ABL1: variants seen among roughly 807,000 people sequenced by gnomAD.
ABL1 encodes tyrosine-protein kinase ABL1.
Under a neutral mutation model 94.7 loss-of-function variants are expected in ABL1, and 11 were observed. The ratio of observed to expected loss-of-function variants is 0.12; its 90% CI spans 0.07 to 0.19. ABL1 has a LOEUF of 0.19. Ranked by LOEUF, ABL1 falls within the 10% of genes least tolerant of loss-of-function variation. The probability of loss-of-function intolerance (pLI) is 1.00; values close to 1 mark genes in which losing one functional copy is unlikely to be tolerated. For synonymous variants in ABL1, 656 were observed against 622.4 expected (o/e 1.05, Z -0.80); for missense variants, 1,082 against 1,489.4 (o/e 0.73, Z 4.50).
intron 1 of ABL1, among the ~76,000 whole-genome samples, chr9:130,734,973 A>T (rs1200045165): frequency 6.6e-6 from 1 of 152,102 alleles, no homozygotes; most frequent in Non-Finnish European, 1.5e-5. Context: ...AAATTTATAC[A>T]TTGTCCTACA....
Position 130,754,432 on chromosome 9 carries a change from T to C in ABL1, c.136+39977T>C, listed in dbSNP as rs535125541. ...CTGAGGCAGGAGAATGGCGTGAACC[T>C]GGGAGGCGGAGCTTGCAGTGAGCCG... On this transcript the variant is annotated intron_variant, in intron 1 of 10. Coordinates refer to the ABL1 transcript ENST00000372348. Among the ~76,000 whole-genome samples, 450 of 129,582 alleles carry C rather than the reference T, an allele frequency of 3.5e-3. 2 individuals are homozygous for C. Among genetic ancestry groups the C allele is most frequent in the African/African-American group, 0.011 (351 of 33,294 alleles). The allele number at this position is 129,582 out of a possible 152,430, so 85.0% of individuals were successfully genotyped here. A position where few individuals can be genotyped will look rare whatever the true frequency, so the allele number is the denominator to read the frequency against.
chr9:130,713,135 C>T (rs1831391578), exon 1 of ABL1, among the ~76,000 whole-genome samples: 1 of 152,208 alleles, frequency 6.6e-6, no homozygotes, highest in South Asian at 2.1e-4. Context: ...AGGAGCCCCT[C>T]CGCTGTCCAC....
rs1831962708 is a variant in ABL1 at position 130,751,223 on chromosome 9, C to T, written c.136+36768C>T. On this transcript the variant is annotated intron_variant, in intron 1 of 10. Coordinates refer to the ABL1 transcript ENST00000372348. ...GTGGCGCGATCTCGGCTCACTGCAA[C>T]CTCTGCCTCCCCGGTTCAAGTGATT... Among the ~76,000 whole-genome samples, 4 of 139,308 alleles carry T rather than the reference C, an allele frequency of 2.9e-5. No homozygotes were observed. In the Admixed American group the frequency reaches 3.1e-4, roughly 11 times the overall value. 91.4% of individuals were successfully genotyped at this position (139,308 alleles called of 152,430 possible).
intron 1 of ABL1, among the ~76,000 whole-genome samples, chr9:130,779,464 G>T (rs1829727948): frequency 6.6e-6 from 1 of 152,222 alleles, no homozygotes; most frequent in Admixed American, 6.5e-5. Flanking sequence ...ATGGCATAAC[G>T]CAGTACATTT....
At position 130,780,894 on chromosome 9, in the gene ABL1, A is replaced by G. The variant is rs371626590; in HGVS notation, c.136+66439A>G. On this transcript the variant is annotated intron_variant, in intron 1 of 10. Transcript: ENST00000372348. Reference sequence around the variant, plus strand: ...ATTGTTTTGCCTGTTGAAGAAGGTGATCAGACCCTAATGAAACTGAAAATG... The same window carrying G: ...ATTGTTTTGCCTGTTGAAGAAGGTGGTCAGACCCTAATGAAACTGAAAATG... Among the ~76,000 whole-genome samples the G allele has an allele frequency of 4.6e-5, 7 of 152,356 alleles. No homozygotes were observed. In the East Asian group the frequency reaches 5.8e-4, roughly 13 times the overall value.
At chr9:130,825,574 G>A (rs1170038851) in intron 1 of ABL1, among the ~76,000 whole-genome samples, 1 of 152,108 alleles carries the variant, frequency 6.6e-6, no homozygotes, top group Non-Finnish European at 1.5e-5. Context: ...TTGCAGCATT[G>A]CTATTTTCTA....
intron 1 of ABL1, among the ~76,000 whole-genome samples, chr9:130,753,632 G>C (rs533745929): frequency 3.6e-4 from 54 of 150,972 alleles, no homozygotes; most frequent in Admixed American, 1.9e-3. Flanking sequence ...TACCATGTTG[G>C]CCAGGCTGGT....
rs1239557648 is a variant in ABL1 at position 130,854,669 on chromosome 9, T to C, written c.254-132T>C. 4 of 950,358 alleles carry C rather than the reference T, an allele frequency of 4.2e-6. No individual in the cohort carries two copies. The African/African-American group carries it at 6.6e-5, about 16-fold the overall frequency. The allele number at this position is 950,358 out of a possible 1,614,324, so 58.9% of individuals were successfully genotyped here. On this transcript the variant is annotated intron_variant, in intron 2 of 10. Coordinates refer to ENST00000318560, the MANE Select transcript of ABL1 (RefSeq NM_005157.6). ...CTCATACACTTATAAATGCATATCT[T>C]TATGTGGACTTGTTAAAATGAAATT...
intron 1 of ABL1, among the ~76,000 whole-genome samples, chr9:130,719,915 A>G (rs990261274): frequency 6.6e-6 from 1 of 152,226 alleles, no homozygotes; most frequent in African/African-American, 2.4e-5. Context: ...TCAAAGGGCT[A>G]GTCATATTTA....
Position 130,822,117 on chromosome 9 carries a change from C to T in ABL1, c.137-31947C>T, listed in dbSNP as rs147257429. On this transcript the variant is annotated intron_variant, in intron 1 of 10. Transcript: ENST00000372348. The stretch of plus-strand genomic sequence containing the variant: ...CCTCCCAAAGTGCTGGCATTACAGG[C>T]GTGAGCCACCATGCCTGGCAAATTT... Among the ~76,000 whole-genome samples, 434 of 152,190 alleles carry T rather than the reference C, an allele frequency of 2.9e-3. 2 individuals carry two copies. The highest frequency in any genetic ancestry group is 0.01 in the African/African-American group (422 of 41,524).
At chr9:130,717,217 A>G (rs1021740892) in intron 1 of ABL1, among the ~76,000 whole-genome samples, 2 of 151,912 alleles carry the variant, frequency 1.3e-5, no homozygotes, top group African/African-American at 2.4e-5. Context: ...TAATTTTTGT[A>G]TTTTTAGTAG....
chr9:130,879,081 TAGTC>T (rs1331326010), intron 8 of ABL1, among the ~76,000 whole-genome samples: 3 of 152,122 alleles, frequency 2.0e-5, no homozygotes, highest in Non-Finnish European at 2.9e-5. Flanking sequence ...TTCTCCATGT[TAGTC>T]AGGCTGGTCT....
chr9:130,718,693 C>G (rs1024199811), intron 1 of ABL1, among the ~76,000 whole-genome samples: 2 of 152,022 alleles, frequency 1.3e-5, no homozygotes, highest in African/African-American at 4.8e-5. Flanking sequence ...TCATCCTGGG[C>G]AACATAAGAA....
At chr9:130,713,144 A>G (rs1036598068) in exon 1 of ABL1, among the ~76,000 whole-genome samples, 84 of 151,992 alleles carry the variant, frequency 5.5e-4, no homozygotes, top group Non-Finnish European at 8.7e-4. Context: ...TCCGCTGTCC[A>G]CGGCCCCTAC....
chr9:130,748,803 C>G (rs7023405), intron 1 of ABL1, among the ~76,000 whole-genome samples: 46,299 of 152,044 alleles, frequency 0.3, 9,907 homozygotes, highest in African/African-American at 0.58. Flanking sequence ...TCTCGAACTC[C>G]TGACCTCATG....
intron 1 of ABL1, among the ~76,000 whole-genome samples, chr9:130,813,604 CACAAGGAATTAA>C (rs376614029): frequency 6.7e-6 from 1 of 149,518 alleles, no homozygotes; most frequent in East Asian, 2.0e-4. Flanking sequence ...GATCTCTGGC[CACAAGGAATTAA>C]ATGAGGAATT....
intron 1 of ABL1, among the ~76,000 whole-genome samples, chr9:130,841,263 T>A (rs374155751): frequency 1.3e-5 from 2 of 151,768 alleles, no homozygotes; most frequent in South Asian, 4.2e-4. Context: ...TTCTCCTGCC[T>A]CAGCCTCCCT....
intron 1 of ABL1, among the ~76,000 whole-genome samples, chr9:130,818,469 C>CA (rs1254340374): frequency 7.3e-5 from 11 of 150,282 alleles, no homozygotes; most frequent in South Asian, 2.1e-4. Flanking sequence ...AACTCCATTT[C>CA]AAAAAAAAAT....
At chr9:130,772,394 G>T (rs1156625120) in intron 1 of ABL1, among the ~76,000 whole-genome samples, 2 of 152,200 alleles carry the variant, frequency 1.3e-5, no homozygotes, top group Non-Finnish European at 2.9e-5. Flanking sequence ...CTCACAGATG[G>T]TCATGATTTT....
Sources: gnomAD v4.1 joint callset for allele counts (sites outside exome capture counted in the v4.1 genomes callset) on GRCh38, gnomAD v4.1.1 for gene constraint, MANE v1.5 for transcripts, NCBI Gene and HGNC (gene_info 2026-07-23, HGNC 2026-07-21) for gene names.